The following OPCML variants were observed in gnomAD, a reference collection of about 807,000 sequenced individuals.
The protein encoded by OPCML is opioid binding protein/cell adhesion molecule like.
In OPCML, 13 loss-of-function variants were observed where a neutral mutation model predicts 37.8. That is an observed-to-expected ratio of 0.34 (90% CI 0.22 to 0.55). The LOEUF (loss-of-function observed/expected upper bound fraction) is 0.55, where lower values mean the gene tolerates loss of function less well. Among genes scored for constraint, OPCML ranks in the 20% least tolerant of loss-of-function variants. The probability of loss-of-function intolerance (pLI) is 0.91; values close to 1 mark genes in which losing one functional copy is unlikely to be tolerated. For missense variants in OPCML, 341 were observed against 435.6 expected, an observed-to-expected ratio of 0.78 and a Z score of 1.93; for synonymous variants, 176 against 168.8, an observed-to-expected ratio of 1.04 and a Z score of -0.33.
chr11:133,272,345 C>T (rs910153027), intron 1 of OPCML, among the ~76,000 whole-genome samples: 4 of 151,470 alleles, frequency 2.6e-5, no homozygotes, highest in African/African-American at 9.7e-5. Context: ...ATGCAAATTG[C>T]AGTTATTTAT....
intron 1 of OPCML, among the ~76,000 whole-genome samples, chr11:133,247,581 T>TTTCTTTCTTTCG: frequency 8.0e-6 from 1 of 124,828 alleles, no homozygotes; most frequent in African/African-American, 2.6e-5. Flanking sequence ...TCTTTCTTTC[T>TTTCTTTCTTTCG]TTCATCTGTC....
chr11:132,998,280 T>A (rs577718552), intron 1 of OPCML, among the ~76,000 whole-genome samples: 1 of 152,282 alleles, frequency 6.6e-6, no homozygotes, highest in African/African-American at 2.4e-5. Flanking sequence ...TCTAGCTGAG[T>A]GCATTGAGCA....
intron 4 of OPCML, among the ~76,000 whole-genome samples, chr11:132,465,146 A>G (rs988864345): frequency 3.3e-5 from 5 of 152,194 alleles, no homozygotes; most frequent in African/African-American, 4.8e-5. Context: ...TGTGACAGGC[A>G]TTTAGGTTGT....
At chr11:132,974,480 A>C (rs1946412481) in intron 1 of OPCML, among the ~76,000 whole-genome samples, 1 of 152,208 alleles carries the variant, frequency 6.6e-6, no homozygotes, top group Admixed American at 6.5e-5. Flanking sequence ...TAGAATGGCG[A>C]TCATTAAAAA....
At chr11:133,071,394 G>A (rs1948531158) in intron 1 of OPCML, among the ~76,000 whole-genome samples, 2 of 152,176 alleles carry the variant, frequency 1.3e-5, no homozygotes, top group African/African-American at 4.8e-5. Context: ...CAAGTGGAAT[G>A]ATGTAAAAAG....
At chr11:133,479,598 G>T (rs1038185780) in intron 1 of OPCML, among the ~76,000 whole-genome samples, 1 of 152,190 alleles carries the variant, frequency 6.6e-6, no homozygotes, top group Non-Finnish European at 1.5e-5. Flanking sequence ...AAGAAGGGCA[G>T]CACACCAAAG....
At chr11:133,382,874 TG>T (rs1178756794) in intron 1 of OPCML, among the ~76,000 whole-genome samples, 1 of 152,128 alleles carries the variant, frequency 6.6e-6, no homozygotes, top group African/African-American at 2.4e-5. Context: ...AACTGCCACA[TG>T]TGTTAGCTCC....
In OPCML at chr11:132,759,828, G is replaced by A. The variant is rs139803055; in HGVS notation, c.147-102509C>T. On this transcript the variant is annotated intron_variant, in intron 2 of 7. Transcript: ENST00000524381. ...TCTACTCTGATCTTAGTCATTTCTT[G>A]CCTTCTGCTAGCTTTGGAATTTGTT... Among the ~76,000 whole-genome samples, 65 of 151,966 alleles carry A rather than the reference G, an allele frequency of 4.3e-4. No individual in the cohort carries two copies. In the East Asian group the frequency reaches 0.012, roughly 29 times the overall value.
intron 1 of OPCML, among the ~76,000 whole-genome samples, chr11:133,530,451 G>C (rs1272517141): frequency 2.0e-5 from 3 of 152,252 alleles, no homozygotes; most frequent in Non-Finnish European, 4.4e-5. Flanking sequence ...AGTGAGAGGA[G>C]GGGAAGCGGG....
chr11:132,442,932 G>T (rs534100095), intron 4 of OPCML, among the ~76,000 whole-genome samples: 9 of 152,254 alleles, frequency 5.9e-5, no homozygotes, highest in African/African-American at 1.9e-4. Context: ...CTAAACAGGT[G>T]ACCTGTCCCT....
chr11:132,924,009 C>T (rs983157495), intron 2 of OPCML, among the ~76,000 whole-genome samples: 10 of 151,732 alleles, frequency 6.6e-5, no homozygotes, highest in Admixed American at 5.9e-4. Context: ...GTGATCCGCC[C>T]GCCTCGGCCT....
chr11:132,996,572 T>C (rs2136832999), intron 1 of OPCML, among the ~76,000 whole-genome samples: 1 of 150,020 alleles, frequency 6.7e-6, no homozygotes, highest in Non-Finnish European at 1.5e-5. Flanking sequence ...TGAGTCAAGA[T>C]TGCGCCACTG....
chr11:133,337,327 C>T (rs998798304), intron 1 of OPCML, among the ~76,000 whole-genome samples: 1 of 152,298 alleles, frequency 6.6e-6, no homozygotes, highest in East Asian at 1.9e-4. Context: ...CTGGCCCACT[C>T]ACCTACAGTG....
At chr11:132,624,927 T>C (rs1939648353) in intron 3 of OPCML, among the ~76,000 whole-genome samples, 1 of 152,162 alleles carries the variant, frequency 6.6e-6, no homozygotes, top group Non-Finnish European at 1.5e-5. Flanking sequence ...TCAAATCATT[T>C]TTTATTCAAA....
rs565786242 is a variant in OPCML at position 133,211,592 on chromosome 11, G to T, written c.62-268582C>A. Among the ~76,000 whole-genome samples, 1 of 152,154 alleles carries T rather than the reference G, an allele frequency of 6.6e-6. No individual in the cohort carries two copies. Among genetic ancestry groups the T allele is most frequent in the Non-Finnish European group, 1.5e-5 (1 of 68,026 alleles). ...TGCTTTGGCATCAACAGTGGAACAT[G>T]GTTTCCTAGAAGGGAGCTGAGGTAC... On this transcript the variant is annotated intron_variant, in intron 1 of 7. Transcript: ENST00000524381. The surrounding 1 kb of genome is among the most constrained non-coding windows in gnomAD (Gnocchi z 4.1).
intron 2 of OPCML, among the ~76,000 whole-genome samples, chr11:132,829,880 C>T (rs929028977): frequency 2.6e-5 from 4 of 152,234 alleles, no homozygotes; most frequent in Non-Finnish European, 5.9e-5. Context: ...TCTCTCTATA[C>T]TTGTTATTAA....
chr11:133,492,234 C>T (rs1393758520), intron 1 of OPCML, among the ~76,000 whole-genome samples: 1 of 152,202 alleles, frequency 6.6e-6, no homozygotes, highest in African/African-American at 2.4e-5. Flanking sequence ...AGCTAGGAAT[C>T]AACCTGCCTC....
At chr11:133,322,492 C>T (rs941610531) in intron 1 of OPCML, among the ~76,000 whole-genome samples, 1 of 152,092 alleles carries the variant, frequency 6.6e-6, no homozygotes. Context: ...GTTGAATTAA[C>T]AAGACTGGGG....
At chr11:132,482,010 C>G (rs1465077967) in intron 4 of OPCML, among the ~76,000 whole-genome samples, 1 of 148,964 alleles carries the variant, frequency 6.7e-6, no homozygotes, top group Non-Finnish European at 1.5e-5. Flanking sequence ...ATTAAAAGAA[C>G]TAGAAAAGCA....
Sources: allele counts gnomAD v4.1 joint callset (sites outside exome capture counted in the v4.1 genomes callset), GRCh38; gene constraint gnomAD v4.1.1; non-coding constraint Gnocchi (gnomAD v3.1); transcripts MANE v1.5; gene names NCBI Gene and HGNC (gene_info 2026-07-23, HGNC 2026-07-21).